Variants in ZNHIT3 observed in about 807,000 individuals in gnomAD.
ZNHIT3 encodes zinc finger HIT domain-containing protein 3.
ZNHIT3 carries 27 observed loss-of-function variants against 19.9 expected under a neutral mutation model. That is an observed-to-expected ratio of 1.36 (90% CI 1.00 to 1.87). The LOEUF (loss-of-function observed/expected upper bound fraction) is 1.87. Among genes scored for constraint, ZNHIT3 ranks in the 40% most tolerant of loss-of-function variants. The pLI is 0.00. For missense variants in ZNHIT3, 215 were observed against 185.6 expected (o/e 1.16, Z -0.92); for synonymous variants, 81 against 65.7 (o/e 1.23, Z -1.13).
rs759051840 is a variant in ZNHIT3 at position 36,486,827 on chromosome 17, G to T, written c.86+42G>T. 4 of 1,535,894 alleles carry T rather than the reference G, an allele frequency of 2.6e-6. No individual in the cohort carries two copies. In the South Asian group the frequency reaches 3.4e-5, roughly 13 times the overall value. ...CGGGGTCCAGGGGCGCGGGTGTCCG[G>T]CCATGGCGGGAGGGCGGGAGGCCGG... is the stretch of plus-strand genomic sequence containing the variant. On this transcript the variant is annotated intron_variant, in intron 1 of 4. Transcript: ENST00000617429.
intron 2 of ZNHIT3, chr17:36,490,190 GTTTTC>G (rs2070695654): frequency 6.6e-6 from 1 of 151,834 alleles, no homozygotes; most frequent in Admixed American, 6.6e-5. Flanking sequence ...TTTCCCCTGT[GTTTTC>G]TTGTAGTAGT....
downstream of ZNHIT3, chr17:36,497,539 G>A (rs892845567): frequency 3.7e-5 from 36 of 984,446 alleles, 1 homozygote; most frequent in Middle Eastern, 2.1e-3. Flanking sequence ...GCTATGTCTC[G>A]TGAATTTTTC....
At chr17:36,493,810 C>G in intron 3 of ZNHIT3, 116 bp from the exon 4 acceptor site, 1 of 719,230 alleles carries the variant, frequency 1.4e-6, no homozygotes, top group Non-Finnish European at 2.5e-6. Context: ...GCTTGAATAC[C>G]CCTATCACTA....
intron 3 of ZNHIT3, 150 bp downstream of exon 3, chr17:36,493,049 C>A: frequency 1.4e-6 from 1 of 720,794 alleles, no homozygotes; most frequent in Non-Finnish European, 2.4e-6. Context: ...AGGAGTGGGG[C>A]CATGTCATCA....
chr17:36,498,188 A>G (rs2071177941), downstream of ZNHIT3: 5 of 1,505,382 alleles, frequency 3.3e-6, no homozygotes, highest in Non-Finnish European at 4.5e-6. Flanking sequence ...CCTCAGTCTC[A>G]TTCCCGCTGT....
Position 36,486,940 on chromosome 17 carries a change from C to G in ZNHIT3, c.92C>G (p.Ser31Trp), listed in dbSNP as rs148890852. Residue 31 changes from serine (S) to tryptophan (W), a missense_variant, in exon 2 of 5, where the codon TCG becomes TGG. Coordinates refer to ENST00000617429, the MANE Select transcript of ZNHIT3 (RefSeq NM_004773.4). ...RCPACRVPYC[S>W]VVCFRKHKEQ... ...TGTGGCCTCTGTTGTTACAGCTGCT[C>G]GGTAGTCTGCTTCCGGAAGCACAAA... The G allele has an allele frequency of 6.2e-7, 1 of 1,611,384 alleles. No individual in the cohort carries two copies. The highest frequency in any genetic ancestry group is 8.5e-7 in the Non-Finnish European group (1 of 1,179,494).
downstream of ZNHIT3, chr17:36,497,843 C>T (rs2071141219): frequency 6.1e-6 from 1 of 164,688 alleles, no homozygotes; most frequent in African/African-American, 2.4e-5. Context: ...CCTCGACTTC[C>T]CAAAGTACTG....
chr17:36,492,494 C>G (rs980414117), intron 2 of ZNHIT3: 1 of 292,076 alleles, frequency 3.4e-6, no homozygotes. Context: ...CTAGTTTTAT[C>G]CCATCTGGTA....
chr17:36,498,630 C>T (rs1196977402), downstream of ZNHIT3: 1 of 1,454,632 alleles, frequency 6.9e-7, no homozygotes, highest in South Asian at 1.4e-5. Context: ...GAAATCAAAA[C>T]TATCTTTAAC....
At chr17:36,498,171 G>A (rs531394270), downstream of ZNHIT3, 99 of 1,405,692 alleles carry the variant, frequency 7.0e-5, no homozygotes, top group African/African-American at 1.3e-3. Context: ...GATGGATCTT[G>A]TCCCAGCCTC....
Position 36,486,755 on chromosome 17 carries a change from A to C in ZNHIT3, c.56A>C (p.Lys19Thr). The C allele has an allele frequency of 6.2e-7, 1 of 1,613,652 alleles. No homozygotes were observed. Among genetic ancestry groups the C allele is most frequent in the Non-Finnish European group, 8.5e-7 (1 of 1,179,832 alleles). Residue 19 changes from lysine (K) to threonine (T), a missense_variant, in exon 1 of 5, where the codon AAA becomes ACA. Transcript: ENST00000617429. Reference sequence around the variant, plus strand: ...TGCGTGATCTGCTTGGAGAAGCCCAAATACCGCTGTCCAGCCTGCCGCGTG... The same window carrying C: ...TGCGTGATCTGCTTGGAGAAGCCCACATACCGCTGTCCAGCCTGCCGCGTG... Reference protein sequence around the residue: ...VVCVICLEKPKYRCPACRVPY... With the variant: ...VVCVICLEKPTYRCPACRVPY...
chr17:36,499,140 G>A (rs749261699), downstream of ZNHIT3: 12 of 1,607,856 alleles, frequency 7.5e-6, no homozygotes, highest in East Asian at 1.6e-4. Flanking sequence ...ATGTGTTTCC[G>A]AGTTAACCAG....
intron 2 of ZNHIT3, among the ~76,000 whole-genome samples, chr17:36,488,638 G>A (rs1425887648): frequency 5.3e-5 from 8 of 151,316 alleles, no homozygotes; most frequent in Non-Finnish European, 1.2e-4. Flanking sequence ...TATATAGTTG[G>A]TACGACCATT....
downstream of ZNHIT3, chr17:36,496,416 A>G (rs745438535): frequency 1.7e-5 from 27 of 1,613,052 alleles, no homozygotes; most frequent in East Asian, 8.9e-5. Flanking sequence ...CCTAGAGGGG[A>G]GAGAGAGATG....
At chr17:36,498,177 G>T, downstream of ZNHIT3, 2 of 1,442,742 alleles carry the variant, frequency 1.4e-6, no homozygotes, top group Non-Finnish European at 1.9e-6. Flanking sequence ...TCTTGTCCCA[G>T]CCTCAGTCTC....
At chr17:36,496,246 A>G (rs1189530801), downstream of ZNHIT3, 2 of 1,613,554 alleles carry the variant, frequency 1.2e-6, no homozygotes, top group African/African-American at 1.3e-5. Context: ...CAAAGGCACC[A>G]AGGATCACCC....
chr17:36,492,692 C>G, intron 2 of ZNHIT3, 121 bp from the exon 3 acceptor site: 1 of 796,292 alleles, frequency 1.3e-6, no homozygotes, highest in South Asian at 1.6e-5. Flanking sequence ...CATTCCTGGG[C>G]ACCCACCCAC....
At chr17:36,487,082 C>G in intron 2 of ZNHIT3, 116 bp downstream of exon 2, 1 of 1,409,842 alleles carries the variant, frequency 7.1e-7, no homozygotes, top group Non-Finnish European at 9.6e-7. Context: ...CCTCGGGTCT[C>G]CGCGGGTTCT....
downstream of ZNHIT3, chr17:36,498,317 GA>G (rs750771611): frequency 6.8e-6 from 11 of 1,613,970 alleles, no homozygotes; most frequent in Non-Finnish European, 8.5e-6. Context: ...GTGCTGTCTG[GA>G]CAGTGTAGCT....
Sources: gnomAD v4.1 joint callset for allele counts (sites outside exome capture counted in the v4.1 genomes callset) on GRCh38, gnomAD v4.1.1 for gene constraint, MANE v1.5 for transcripts, NCBI Gene and HGNC (gene_info 2026-07-23, HGNC 2026-07-21) for gene names.